PSMA3: variants seen among roughly 807,000 people sequenced by gnomAD.
The protein encoded by PSMA3 is proteasome subunit alpha type-3.
Under a neutral mutation model 40.0 loss-of-function variants are expected in PSMA3, and 8 were observed. The ratio of observed to expected loss-of-function variants is 0.20; its 90% CI spans 0.12 to 0.36. The LOEUF (loss-of-function observed/expected upper bound fraction) is 0.36. PSMA3 is among the 10% of genes least tolerant of loss of function. PSMA3 has a pLI of 1.00. For synonymous variants in PSMA3, 110 were observed against 100.0 expected (o/e 1.10, Z -0.59); for missense variants, 219 against 310.6 (o/e 0.70, Z 2.22).
rs200479487 is a variant in PSMA3 at position 58,244,980 on chromosome 14, G to A, written c.21+39G>A. The A allele has an allele frequency of 1.6e-4, 266 of 1,614,108 alleles. 1 individual carries two copies. In the African/African-American group the frequency reaches 3.1e-3, roughly 19 times the overall value. ...CTGTCGGTGTAATAGTTTAACCTAA[G>A]GATTGGGGTTGAAGGGAACTCGGAC... is the stretch of plus-strand genomic sequence containing the variant. On this transcript the variant is annotated intron_variant, in intron 1 of 10. Coordinates refer to ENST00000216455, the MANE Select transcript of PSMA3 (RefSeq NM_002788.4).
At position 58,261,141 on chromosome 14, in the gene PSMA3, C is replaced by CTT. The variant is rs750255185; in HGVS notation, c.477+134_477+135dup. 2.9e-3 allele frequency: 1,426 copies of CTT among 496,340 alleles called. 2 individuals are homozygous for CTT. Among genetic ancestry groups the CTT allele is most frequent in the African/African-American group, 0.012 (539 of 44,400 alleles). 30.7% of individuals were successfully genotyped at this position (496,340 alleles called of 1,614,324 possible). A position where few individuals can be genotyped will look rare whatever the true frequency, so the allele number is the denominator to read the frequency against. ...AACTCATTCAAGGAAAGTAATTTTT[C>CTT]TTTTTTTTTTTTTTACAACAACCTC... On this transcript the variant is annotated intron_variant, in intron 6 of 10. Transcript: ENST00000216455.
chr14:58,252,742 C>A (rs151296859), intron 3 of PSMA3, among the ~76,000 whole-genome samples: 1 of 151,100 alleles, frequency 6.6e-6, no homozygotes, highest in African/African-American at 2.4e-5. Context: ...GCAAGCCAAG[C>A]CATAGATACA....
intron 2 of PSMA3, among the ~76,000 whole-genome samples, chr14:58,250,533 T>C (rs1304291928): frequency 1.3e-5 from 2 of 152,168 alleles, no homozygotes; most frequent in African/African-American, 4.8e-5. Flanking sequence ...AAATTGAATA[T>C]GCTCAGGGGG....
chr14:58,268,448 C>A (rs563790553), intron 8 of PSMA3, among the ~76,000 whole-genome samples: 2 of 152,108 alleles, frequency 1.3e-5, no homozygotes, highest in South Asian at 4.2e-4. Context: ...TCTTATTAAC[C>A]GGTCCATCAT....
intron 8 of PSMA3, chr14:58,268,588 G>A (rs1295000390): frequency 6.6e-6 from 1 of 152,140 alleles, no homozygotes; most frequent in East Asian, 1.9e-4. Context: ...ACATGCAGCA[G>A]AGCTGCTAAG....
chr14:58,260,948 T>G lies in PSMA3; in HGVS notation c.405T>G (p.Ser135Arg). The G allele has an allele frequency of 6.2e-7, 1 of 1,608,974 alleles. No individual in the cohort carries two copies. Among genetic ancestry groups the G allele is most frequent in the South Asian group, 1.1e-5 (1 of 90,370 alleles). The stretch of plus-strand genomic sequence containing the variant: ...AAGCTGTTTGTATACTTTCATGCAG[T>G]TTCATGTTAGGGTCTTACAGTGTGA... ...LYSAVRPFGC[S>R]FMLGSYSVND... The change falls in exon 6 of 11, where the codon AGT becomes AGG. Residue 135 changes from serine (S) to arginine (R), a missense_variant and splice_region_variant. By Grantham distance (110) the Ser-to-Arg change is moderately radical. Transcript: ENST00000216455.
intron 2 of PSMA3, among the ~76,000 whole-genome samples, chr14:58,251,053 CTTCAA>C (rs1227403486): frequency 6.6e-6 from 1 of 151,920 alleles, no homozygotes; most frequent in Non-Finnish European, 1.5e-5. Context: ...GAGCCTCAGA[CTTCAA>C]TTCAATCTTG....
chr14:58,254,344 G>A (rs11158201), intron 3 of PSMA3, among the ~76,000 whole-genome samples: 484 of 12,682 alleles, frequency 0.038, no homozygotes, highest in East Asian at 0.059. Context: ...ATATATATAT[G>A]TATGTACACA....
At chr14:58,251,724 A>G (rs1890015071) in intron 2 of PSMA3, among the ~76,000 whole-genome samples, 1 of 152,214 alleles carries the variant, frequency 6.6e-6, no homozygotes, top group African/African-American at 2.4e-5. Context: ...TACCCAGAGC[A>G]GTCACTGTTA....
rs575597263 is a variant in PSMA3 at position 58,263,723 on chromosome 14, A to C, written c.496A>C (p.Ile166Leu). ...TAAATAGGGTTATTGGGGCTGTGCC[A>C]TCGGCAAAGCCAGGCAAGCTGCAAA... ...GVSYGYWGCA[I>L]GKARQAAKTE... Residue 166 changes from isoleucine (I) to leucine (L), a missense_variant, in exon 7 of 11, where the codon ATC (isoleucine) becomes CTC (leucine). Physicochemically the swap from Ile to Leu is conservative, Grantham distance 5 (BLOSUM62 2). Transcript: ENST00000216455. The C allele has an allele frequency of 3.7e-6, 6 of 1,613,746 alleles. No homozygotes were observed. In the African/African-American group the frequency reaches 6.7e-5, roughly 18 times the overall value.
chr14:58,258,010 T>G lies in PSMA3; in HGVS notation c.404+12T>G. 1 of 1,601,772 alleles carries G rather than the reference T, an allele frequency of 6.2e-7. No individual in the cohort carries two copies. Among genetic ancestry groups the G allele is most frequent in the Non-Finnish European group, 8.6e-7 (1 of 1,168,814 alleles). On this transcript the variant is annotated intron_variant, in intron 5 of 10. Coordinates refer to ENST00000216455, the MANE Select transcript of PSMA3 (RefSeq NM_002788.4). ...CCTTTTGGCTGCAGGTAAGAAATTT[T>G]GTGAATTATTCAAAAGGCAGATCTG...
chr14:58,250,652 G>A (rs1331422965), intron 2 of PSMA3, among the ~76,000 whole-genome samples: 1 of 152,156 alleles, frequency 6.6e-6, no homozygotes, highest in Non-Finnish European at 1.5e-5. Flanking sequence ...GTGTGCATCT[G>A]TTGTTCATTT....
At chr14:58,259,552 T>G (rs1890223193) in intron 5 of PSMA3, among the ~76,000 whole-genome samples, 1 of 152,062 alleles carries the variant, frequency 6.6e-6, no homozygotes, top group Non-Finnish European at 1.5e-5. Flanking sequence ...TGACCTCAAG[T>G]GATCCACCTC....
intron 5 of PSMA3, among the ~76,000 whole-genome samples, chr14:58,259,502 T>G (rs1890221993): frequency 6.6e-6 from 1 of 151,932 alleles, no homozygotes; most frequent in Non-Finnish European, 1.5e-5. Context: ...TTTAGTACAG[T>G]CAGGGTTTCG....
chr14:58,253,942 A>G (rs912929005), intron 3 of PSMA3, among the ~76,000 whole-genome samples: 5 of 152,034 alleles, frequency 3.3e-5, no homozygotes, highest in African/African-American at 1.2e-4. Context: ...TTGTGTATAT[A>G]TACATTTTCT....
chr14:58,257,929 T>A lies in PSMA3; in HGVS notation c.335T>A (p.Leu112His). Residue 112 changes from leucine to histidine, a missense_variant, in exon 5 of 11, where the codon CTT becomes CAT. Transcript: ENST00000216455. ...CTCTTCTGCTTCCCTCCATAGCATC[T>A]TGCAGACAGAGTGGCCATGTATGTG... ...NFGYNIPLKH[L>H]ADRVAMYVHA... The A allele has an allele frequency of 6.2e-7, 1 of 1,613,874 alleles. No individual in the cohort carries two copies. The highest frequency in any genetic ancestry group is 1.1e-5 in the South Asian group (1 of 91,082).
intron 2 of PSMA3, among the ~76,000 whole-genome samples, chr14:58,251,790 A>G (rs1264957570): frequency 6.6e-6 from 1 of 152,202 alleles, no homozygotes; most frequent in African/African-American, 2.4e-5. Flanking sequence ...TTTAATGGAC[A>G]TGAATTTATG....
intron 8 of PSMA3, chr14:58,269,820 GTTCT>G (rs1330820073): frequency 1.3e-5 from 2 of 151,768 alleles, no homozygotes; most frequent in East Asian, 1.9e-4. Flanking sequence ...GTGAATCCGT[GTTCT>G]TTATGAGGTA....
At chr14:58,269,754 TTTAAG>T (rs1481534666) in intron 8 of PSMA3, 1 of 152,078 alleles carries the variant, frequency 6.6e-6, no homozygotes, top group African/African-American at 2.4e-5. Flanking sequence ...TTTAAATATA[TTTAAG>T]TTAATGGACA....
Sources: allele counts gnomAD v4.1 joint callset (sites outside exome capture counted in the v4.1 genomes callset), GRCh38; gene constraint gnomAD v4.1.1; transcripts MANE v1.5; gene names NCBI Gene and HGNC (gene_info 2026-07-23, HGNC 2026-07-21).